The following CDH8 variants were observed in gnomAD, a reference collection of about 807,000 sequenced individuals.
CDH8 encodes cadherin 8, also known as cadherin-8.
In CDH8, 17 loss-of-function variants were observed where a neutral mutation model predicts 68.1. The ratio of observed to expected loss-of-function variants is 0.25; its 90% CI spans 0.17 to 0.37. CDH8 has a LOEUF of 0.37. Ranked by LOEUF, CDH8 falls within the 10% of genes least tolerant of loss-of-function variation. CDH8 has a pLI of 1.00. For synonymous variants in CDH8, 372 were observed against 365.1 expected (o/e 1.02, Z -0.21); for missense variants, 763 against 999.3 (o/e 0.76, Z 3.19).
intron 2 of CDH8, among the ~76,000 whole-genome samples, chr16:61,929,297 G>T (rs2143461552): frequency 6.6e-6 from 1 of 152,208 alleles, no homozygotes; most frequent in Non-Finnish European, 1.5e-5. Flanking sequence ...ATTCTGTACG[G>T]AATGGATGAA....
Position 61,817,449 on chromosome 16 carries a change from T to A in CDH8, c.1277+30A>T. 3.1e-6 allele frequency: 5 copies of A among 1,610,954 alleles called. No homozygotes were observed. The South Asian group carries it at 5.5e-5, about 18-fold the overall frequency. ...TCACTGATCTGCTTGTCATTTGCAG[T>A]AGCCAGTATTCCTTTTAAAATAAAA... On this transcript the variant is annotated intron_variant, in intron 7 of 11. Transcript: ENST00000577390.
chr16:61,845,420 G>A (rs1253039417), intron 4 of CDH8, among the ~76,000 whole-genome samples: 2 of 148,338 alleles, frequency 1.3e-5, no homozygotes, highest in African/African-American at 5.0e-5. Flanking sequence ...GGAATGGAAG[G>A]AAAGTTCCAA....
At chr16:61,795,989 A>G (rs554687819) in intron 7 of CDH8, among the ~76,000 whole-genome samples, 4 of 152,188 alleles carry the variant, frequency 2.6e-5, no homozygotes, top group African/African-American at 9.6e-5. Flanking sequence ...TTGCTCTTTA[A>G]GCACAAGGAA....
At chr16:61,812,075 CA>C (rs989366918) in intron 7 of CDH8, among the ~76,000 whole-genome samples, 4 of 152,098 alleles carry the variant, frequency 2.6e-5, no homozygotes, top group African/African-American at 7.2e-5. Flanking sequence ...AAACACACCA[CA>C]AACACACACA....
chr16:62,017,804 A>G (rs1421299354), intron 2 of CDH8, among the ~76,000 whole-genome samples: 2 of 152,154 alleles, frequency 1.3e-5, no homozygotes, highest in African/African-American at 2.4e-5. Context: ...GTGACTTTGC[A>G]TAAACTCCTC....
intron 10 of CDH8, among the ~76,000 whole-genome samples, chr16:61,713,501 A>T (rs981140169): frequency 6.6e-5 from 10 of 151,672 alleles, no homozygotes; most frequent in Non-Finnish European, 1.3e-4. Context: ...ACAACTACAA[A>T]GTGTAGGCCA....
intron 9 of CDH8, 76 bp downstream of exon 9, chr16:61,727,018 A>G (rs758542382): frequency 7.6e-6 from 11 of 1,446,120 alleles, no homozygotes; most frequent in Middle Eastern, 1.7e-4. Flanking sequence ...GCAAATGCAC[A>G]ATATAATGCA....
chr16:61,739,915 A>ATATGTAT (rs373723105), intron 8 of CDH8, among the ~76,000 whole-genome samples: 2 of 109,580 alleles, frequency 1.8e-5, no homozygotes, highest in Non-Finnish European at 3.5e-5. Flanking sequence ...ATATATATGT[A>ATATGTAT]TTTTTTTTTT....
chr16:61,889,514 G>A (rs1202233393), intron 3 of CDH8, among the ~76,000 whole-genome samples: 2 of 152,182 alleles, frequency 1.3e-5, no homozygotes, highest in East Asian at 1.9e-4. Flanking sequence ...ATTGACAAAG[G>A]TGTCCCACAT....
intron 3 of CDH8, among the ~76,000 whole-genome samples, chr16:61,887,096 G>A (rs1190576571): frequency 6.6e-6 from 1 of 152,088 alleles, no homozygotes; most frequent in Non-Finnish European, 1.5e-5. Context: ...GGAATAAGTA[G>A]GTAACATTGG....
intron 2 of CDH8, among the ~76,000 whole-genome samples, chr16:61,916,375 T>TGAG (rs1964238680): frequency 6.6e-6 from 1 of 151,722 alleles, no homozygotes; most frequent in South Asian, 2.1e-4. Flanking sequence ...ATTAGCTGGG[T>TGAG]GTGGTGGCGC....
At chr16:61,874,641 T>C (rs1192795412) in intron 3 of CDH8, among the ~76,000 whole-genome samples, 1 of 152,172 alleles carries the variant, frequency 6.6e-6, no homozygotes, top group Non-Finnish European at 1.5e-5. Context: ...AATCCTAAGG[T>C]ACAAGCATCT....
intron 8 of CDH8, among the ~76,000 whole-genome samples, chr16:61,769,647 T>A (rs1960727555): frequency 8.3e-6 from 1 of 120,570 alleles, no homozygotes; most frequent in Non-Finnish European, 1.7e-5. Flanking sequence ...TGAATCAACA[T>A]TTCCAAATGG....
intron 2 of CDH8, among the ~76,000 whole-genome samples, chr16:61,911,623 A>AC (rs5817326): frequency 0.013 from 1,852 of 145,510 alleles, 22 homozygotes; most frequent in South Asian, 0.031. Flanking sequence ...AATTCCCTAA[A>AC]CCCCCCCCCA....
chr16:61,731,202 C>T (rs1277692887), intron 8 of CDH8, among the ~76,000 whole-genome samples: 2 of 151,592 alleles, frequency 1.3e-5, no homozygotes, highest in Non-Finnish European at 3.0e-5. Flanking sequence ...CTAAAGGTTG[C>T]TATGAAAGAC....
At chr16:61,739,067 T>C (rs1371579810) in intron 8 of CDH8, among the ~76,000 whole-genome samples, 1 of 152,156 alleles carries the variant, frequency 6.6e-6, no homozygotes, top group African/African-American at 2.4e-5. Flanking sequence ...TAAGTCTTCT[T>C]TGCAAAAATC....
intron 6 of CDH8, 92 bp downstream of exon 6, chr16:61,820,834 A>G (rs1962196270): frequency 2.8e-6 from 3 of 1,068,692 alleles, no homozygotes; most frequent in Non-Finnish European, 4.2e-6. Flanking sequence ...CAGCTGTGCA[A>G]TTCTGCCAGG....
chr16:61,829,828 A>G (rs1486601551), intron 4 of CDH8, among the ~76,000 whole-genome samples: 4 of 151,840 alleles, frequency 2.6e-5, no homozygotes, highest in South Asian at 2.1e-4. Flanking sequence ...TCTCAACCCC[A>G]TGACTAGCAG....
At chr16:61,779,066 G>A (rs530990849) in intron 8 of CDH8, among the ~76,000 whole-genome samples, 32 of 152,038 alleles carry the variant, frequency 2.1e-4, no homozygotes, top group Non-Finnish European at 3.5e-4. Flanking sequence ...TTAATTTAAC[G>A]GGCAATTATA....
Sources: gnomAD v4.1 joint callset for allele counts (sites outside exome capture counted in the v4.1 genomes callset) on GRCh38, gnomAD v4.1.1 for gene constraint, MANE v1.5 for transcripts, NCBI Gene and HGNC (gene_info 2026-07-23, HGNC 2026-07-21) for gene names.